The following SPTLC2 variants were observed in gnomAD, a reference collection of about 807,000 sequenced individuals.
SPTLC2 encodes the protein serine palmitoyltransferase long chain base subunit 2.
SPTLC2 carries 21 observed loss-of-function variants against 62.0 expected under a neutral mutation model. The observed-to-expected ratio is 0.34, with a 90% CI of 0.24 to 0.49. SPTLC2 has a LOEUF of 0.49. Among genes scored for constraint, SPTLC2 ranks in the 20% least tolerant of loss-of-function variants. The pLI, the probability that SPTLC2 is intolerant of heterozygous loss-of-function variation, is 0.99. For synonymous variants in SPTLC2, 261 were observed against 261.8 expected (o/e 1.00, Z 0.03); for missense variants, 511 against 713.0 (o/e 0.72, Z 3.23).
At chr14:77,566,036 T>C (rs1770944406) in intron 5 of SPTLC2, among the ~76,000 whole-genome samples, 1 of 152,218 alleles carries the variant, frequency 6.6e-6, no homozygotes, top group African/African-American at 2.4e-5. Context: ...ACTCTTGGCA[T>C]TCAACTCTAT....
chr14:77,572,597 C>A (rs2079689950), intron 4 of SPTLC2, among the ~76,000 whole-genome samples: 1 of 152,314 alleles, frequency 6.6e-6, no homozygotes, highest in South Asian at 2.1e-4. Flanking sequence ...ATTGACTTGT[C>A]TCTAGCTGTG....
In SPTLC2 at chr14:77,597,213, G is replaced by A. The variant is rs751864113; in HGVS notation, c.300C>T (p.His100=). 5.6e-6 allele frequency: 9 copies of A among 1,613,952 alleles called. No individual in the cohort carries two copies. Among genetic ancestry groups the A allele is most frequent in the Non-Finnish European group, 5.9e-6 (7 of 1,180,022 alleles). ...TTTGTTCTTCTCTTTCTGTTGCATG[G>A]TGACACTTTTCAATTCTCCAATACC... ...FLRYWRIEKC[H]HATEREEQKD... Residue 100 remains histidine, a synonymous_variant, in exon 2 of 12, where the codon CAC becomes CAT. Coordinates refer to ENST00000216484, the MANE Select transcript of SPTLC2 (RefSeq NM_004863.4).
chr14:77,590,956 G>A (rs946420665), intron 2 of SPTLC2, among the ~76,000 whole-genome samples: 8 of 152,066 alleles, frequency 5.3e-5, no homozygotes, highest in Admixed American at 3.9e-4. Flanking sequence ...ACCTAACACT[G>A]GCACTAGTCC....
At chr14:77,521,727 C>A (rs1566767712) in intron 9 of SPTLC2, 146 bp from the exon 10 acceptor site, 2 of 731,936 alleles carry the variant, frequency 2.7e-6, no homozygotes, top group East Asian at 2.7e-5. Flanking sequence ...ACAGAGTAAA[C>A]CATATGGAAT....
At chr14:77,563,970 G>A (rs1369718949) in intron 5 of SPTLC2, among the ~76,000 whole-genome samples, 1 of 152,052 alleles carries the variant, frequency 6.6e-6, no homozygotes, top group Middle Eastern at 3.2e-3. Context: ...AAAATGAAGT[G>A]GCCAGGCATG....
At chr14:77,604,478 T>C (rs548105098) in intron 1 of SPTLC2, among the ~76,000 whole-genome samples, 40 of 152,344 alleles carry the variant, frequency 2.6e-4, no homozygotes, top group African/African-American at 8.9e-4. Flanking sequence ...AATGATTCTA[T>C]ATTAAAATCT....
At position 77,575,013 on chromosome 14, in the gene SPTLC2, C is replaced by A. The variant is rs140319266; in HGVS notation, c.631+1754G>T. Among the ~76,000 whole-genome samples the A allele has an allele frequency of 2.7e-3, 415 of 152,214 alleles. 2 individuals carry two copies. Among genetic ancestry groups the A allele is most frequent in the African/African-American group, 9.4e-3 (390 of 41,548 alleles). ...ACTTGAGGCCAGGATTTCAAGAACACCCTGGGCAACATAGCCTCTTGAAAG... is the reference window on the plus strand; with the variant it reads ...ACTTGAGGCCAGGATTTCAAGAACAACCTGGGCAACATAGCCTCTTGAAAG... On this transcript the variant is annotated intron_variant, in intron 4 of 11. Transcript: ENST00000216484.
intron 4 of SPTLC2, 141 bp from the exon 5 acceptor site, chr14:77,570,649 T>A: frequency 1.0e-6 from 1 of 960,056 alleles, no homozygotes; most frequent in Non-Finnish European, 1.6e-6. Flanking sequence ...TTATGAAGAG[T>A]AATATTCTTC....
At chr14:77,588,691 G>A (rs1478703683) in intron 2 of SPTLC2, among the ~76,000 whole-genome samples, 1 of 140,566 alleles carries the variant, frequency 7.1e-6, no homozygotes, top group East Asian at 2.1e-4. Flanking sequence ...GCAAGATCCT[G>A]TCTCTGAAAA....
At chr14:77,531,209 GTTC>G (rs1003973283) in intron 9 of SPTLC2, among the ~76,000 whole-genome samples, 4 of 152,196 alleles carry the variant, frequency 2.6e-5, no homozygotes, top group Admixed American at 1.3e-4. Context: ...GGGCAAAACA[GTTC>G]TTCATTGTTT....
chr14:77,534,357 C>A (rs1448044789), intron 9 of SPTLC2, among the ~76,000 whole-genome samples: 1 of 152,004 alleles, frequency 6.6e-6, no homozygotes, highest in Admixed American at 6.6e-5. Context: ...AGAAACATGA[C>A]AAATTCATAT....
At chr14:77,608,564 T>C (rs2079917293) in intron 1 of SPTLC2, among the ~76,000 whole-genome samples, 1 of 152,136 alleles carries the variant, frequency 6.6e-6, no homozygotes, top group African/African-American at 2.4e-5. Context: ...GCACTAGAAA[T>C]ACACTCCTGT....
At chr14:77,530,838 T>G (rs1213824327) in intron 9 of SPTLC2, among the ~76,000 whole-genome samples, 1 of 152,224 alleles carries the variant, frequency 6.6e-6, no homozygotes, top group Admixed American at 6.5e-5. Context: ...TTGCTAGGAT[T>G]GACTAAAAGG....
At chr14:77,600,036 C>A (rs1489152543) in intron 1 of SPTLC2, among the ~76,000 whole-genome samples, 1 of 152,162 alleles carries the variant, frequency 6.6e-6, no homozygotes, top group Non-Finnish European at 1.5e-5. Context: ...CCCCCCACCG[C>A]AGTCTCAATC....
chr14:77,536,122 T>C (rs1355603656), intron 9 of SPTLC2: 2 of 362,594 alleles, frequency 5.5e-6, no homozygotes, highest in African/African-American at 4.3e-5. Context: ...GCCTAGATTT[T>C]GAAATGCAGT....
chr14:77,600,058 G>A (rs554092377), intron 1 of SPTLC2, among the ~76,000 whole-genome samples: 69 of 152,226 alleles, frequency 4.5e-4, no homozygotes, highest in African/African-American at 1.5e-3. Flanking sequence ...AACATGCAGC[G>A]AGTTTACAGG....
intron 1 of SPTLC2, among the ~76,000 whole-genome samples, chr14:77,600,450 C>T (rs892872444): frequency 6.6e-6 from 1 of 152,114 alleles, no homozygotes; most frequent in African/African-American, 2.4e-5. Flanking sequence ...AATCACTTCA[C>T]CTTTAAGAAC....
At chr14:77,580,351 G>A (rs548265913) in intron 2 of SPTLC2, among the ~76,000 whole-genome samples, 76 of 151,620 alleles carry the variant, frequency 5.0e-4, no homozygotes, top group Non-Finnish European at 8.7e-4. Flanking sequence ...GCATGGTGGC[G>A]GGTGCCTGTA....
chr14:77,546,242 TG>T (rs1363136817), intron 9 of SPTLC2, among the ~76,000 whole-genome samples: 1 of 152,206 alleles, frequency 6.6e-6, no homozygotes, highest in African/African-American at 2.4e-5. Context: ...ACCTGTAAGG[TG>T]GTCATATTGC....
Sources: allele counts gnomAD v4.1 joint callset (sites outside exome capture counted in the v4.1 genomes callset), GRCh38; gene constraint gnomAD v4.1.1; transcripts MANE v1.5; gene names NCBI Gene and HGNC (gene_info 2026-07-23, HGNC 2026-07-21).